Variants in ST8SIA2 observed in about 807,000 individuals in gnomAD.
ST8SIA2 encodes ST8 alpha-N-acetyl-neuraminide alpha-2,8-sialyltransferase 2.
ST8SIA2 carries 22 observed loss-of-function variants against 37.6 expected under a neutral mutation model. The ratio of observed to expected loss-of-function variants is 0.58; its 90% CI spans 0.42 to 0.83. The LOEUF is 0.83. Ranked by LOEUF, ST8SIA2 falls within the 40% of genes least tolerant of loss-of-function variation. The pLI is 0.00. For missense variants in ST8SIA2, 382 were observed against 484.7 expected, an observed-to-expected ratio of 0.79 and a Z score of 1.99; for synonymous variants, 205 against 201.2, an observed-to-expected ratio of 1.02 and a Z score of -0.16.
intron 1 of ST8SIA2, among the ~76,000 whole-genome samples, chr15:92,425,752 AGGGTGG>A (rs2049670828): frequency 6.6e-6 from 1 of 152,152 alleles, no homozygotes; most frequent in Non-Finnish European, 1.5e-5. Context: ...CAGGTTCTGC[AGGGTGG>A]GAGCTGTCGC....
chr15:92,449,641 C>G (rs891445959), intron 5 of ST8SIA2, among the ~76,000 whole-genome samples: 1 of 152,220 alleles, frequency 6.6e-6, no homozygotes, highest in African/African-American at 2.4e-5. Context: ...ATTCTCTTTT[C>G]TCCACATCCT....
At position 92,466,729 on chromosome 15, in the gene ST8SIA2, C is replaced by T. The variant is rs1414799597; in HGVS notation, c.*2344C>T. On this transcript the variant is annotated 3_prime_UTR_variant, in exon 6 of 6. Coordinates refer to ENST00000268164, the MANE Select transcript of ST8SIA2 (RefSeq NM_006011.4). The stretch of plus-strand genomic sequence containing the variant: ...AGGTTAGAGACCCCAGGACAATCAA[C>T]ATGTGCACCGTTCCCCTCCTCGGCT... 6.6e-6 allele frequency: 1 copy of T among 152,276 alleles called. No individual in the cohort carries two copies. Among genetic ancestry groups the T allele is most frequent in the African/African-American group, 2.4e-5 (1 of 41,440 alleles). 9.4% of individuals were successfully genotyped at this position (152,276 alleles called of 1,614,324 possible). A position where few individuals can be genotyped will look rare whatever the true frequency, so the allele number is the denominator to read the frequency against.
intron 1 of ST8SIA2, among the ~76,000 whole-genome samples, chr15:92,396,125 G>C (rs530324992): frequency 6.6e-6 from 1 of 152,234 alleles, no homozygotes; most frequent in South Asian, 2.1e-4. Context: ...AGGAAAAAAC[G>C]GTCAAACAAG....
chr15:92,427,042 C>T (rs1288031319), intron 1 of ST8SIA2, among the ~76,000 whole-genome samples: 6 of 152,056 alleles, frequency 3.9e-5, no homozygotes, highest in East Asian at 3.8e-4. Flanking sequence ...TGTAGTGAGC[C>T]GAGATCAGGC....
Position 92,468,203 on chromosome 15 carries a change from A to C in ST8SIA2, c.*3818A>C, listed in dbSNP as rs1218839634. The C allele has an allele frequency of 6.6e-6, 1 of 152,494 alleles. No homozygotes were observed. Among genetic ancestry groups the C allele is most frequent in the East Asian group, 1.9e-4 (1 of 5,184 alleles). The allele number at this position is 152,494 out of a possible 1,614,324, so 9.4% of individuals were successfully genotyped here. On this transcript the variant is annotated 3_prime_UTR_variant, in exon 6 of 6. Coordinates refer to ENST00000268164, the MANE Select transcript of ST8SIA2 (RefSeq NM_006011.4). ...CCGTCCATCCTGAACATGCACAGTG[A>C]TTTTCCTCTCCCGTTGCACACAAAC...
intron 3 of ST8SIA2, among the ~76,000 whole-genome samples, chr15:92,437,376 G>A (rs1382555023): frequency 6.6e-6 from 1 of 152,136 alleles, no homozygotes; most frequent in African/African-American, 2.4e-5. Context: ...AGCTTTTCTG[G>A]CAAGGCTAAG....
intron 5 of ST8SIA2, among the ~76,000 whole-genome samples, chr15:92,457,183 G>A (rs1306598061): frequency 6.6e-6 from 1 of 152,218 alleles, no homozygotes; most frequent in African/African-American, 2.4e-5. Flanking sequence ...GCATCACTGA[G>A]TCTCCCTTGA....
At chr15:92,423,384 A>G (rs1254102956) in intron 1 of ST8SIA2, among the ~76,000 whole-genome samples, 2 of 152,254 alleles carry the variant, frequency 1.3e-5, no homozygotes, top group Non-Finnish European at 1.5e-5. Flanking sequence ...TCACGCCCCT[A>G]TACTCCAGCC....
At chr15:92,408,990 T>C (rs145368847) in intron 1 of ST8SIA2, among the ~76,000 whole-genome samples, 371 of 152,256 alleles carry the variant, frequency 2.4e-3, no homozygotes, top group African/African-American at 4.6e-3. Flanking sequence ...AGGCATGAGC[T>C]ACCATGCCCA....
intron 5 of ST8SIA2, among the ~76,000 whole-genome samples, chr15:92,455,166 AC>A (rs1274111502): frequency 6.6e-6 from 1 of 152,160 alleles, no homozygotes; most frequent in Non-Finnish European, 1.5e-5. Context: ...CCCAGACAGG[AC>A]CATGGCAATC....
chr15:92,397,709 C>T (rs796247399), intron 1 of ST8SIA2, among the ~76,000 whole-genome samples: 9 of 152,330 alleles, frequency 5.9e-5, no homozygotes, highest in African/African-American at 2.2e-4. Flanking sequence ...GATTGTGAGG[C>T]GTAGCTGTCT....
In ST8SIA2 at chr15:92,454,518, T is replaced by A. The variant is rs112812287; in HGVS notation, c.843-9582T>A. Among the ~76,000 whole-genome samples, 733 of 152,202 alleles carry A rather than the reference T, an allele frequency of 4.8e-3. 7 individuals are homozygous for A. The highest frequency in any genetic ancestry group is 0.017 in the African/African-American group (703 of 41,536). ...TGGGTTAGATGGCCTCCCTTCCCAC[T>A]CTGAGATTCTCTCATTCAACACATC... On this transcript the variant is annotated intron_variant, in intron 5 of 5. Transcript: ENST00000268164.
At chr15:92,415,584 A>G (rs568392822) in intron 1 of ST8SIA2, among the ~76,000 whole-genome samples, 1 of 151,488 alleles carries the variant, frequency 6.6e-6, no homozygotes, top group Admixed American at 6.6e-5. Flanking sequence ...CCCCCACAAC[A>G]AGAGGACACA....
chr15:92,415,851 T>C (rs978281175), intron 1 of ST8SIA2, among the ~76,000 whole-genome samples: 2 of 152,002 alleles, frequency 1.3e-5, no homozygotes, highest in Admixed American at 1.3e-4. Context: ...GAGGGCACGA[T>C]ATTTAAAGAC....
Position 92,394,140 on chromosome 15 carries a change from T to G in ST8SIA2, c.76T>G (p.Ser26Ala). The part of the protein sequence containing the change: ...LVVFLIFADI[S>A]EIEEEIGNSG... ...GGTCTTCCTCATCTTCGCAGACATC[T>G]CAGAGATCGAAGAAGAAATCGGGTA... is the stretch of plus-strand genomic sequence containing the variant. Residue 26 changes from serine (S) to alanine (A), a missense_variant, in exon 1 of 6, where the codon TCA becomes GCA. Coordinates refer to ENST00000268164, the MANE Select transcript of ST8SIA2 (RefSeq NM_006011.4). 6.4e-7 allele frequency: 1 copy of G among 1,558,866 alleles called. No individual in the cohort carries two copies. Among genetic ancestry groups the G allele is most frequent in the Non-Finnish European group, 8.7e-7 (1 of 1,150,292 alleles).
At chr15:92,417,790 A>G (rs901947947) in intron 1 of ST8SIA2, 4 of 152,256 alleles carry the variant, frequency 2.6e-5, no homozygotes, top group African/African-American at 9.6e-5. Flanking sequence ...GGCGGATTGC[A>G]TGAATTTTCA....
chr15:92,394,601 G>A (rs1185263472), intron 1 of ST8SIA2, among the ~76,000 whole-genome samples: 1 of 152,188 alleles, frequency 6.6e-6, no homozygotes, highest in Non-Finnish European at 1.5e-5. Flanking sequence ...GGCGCGCAGG[G>A]ATCTCTGAGC....
chr15:92,400,330 T>C (rs1012503992), intron 1 of ST8SIA2, among the ~76,000 whole-genome samples: 1 of 152,236 alleles, frequency 6.6e-6, no homozygotes, highest in African/African-American at 2.4e-5. Context: ...GTGATACGTA[T>C]ATGGTTTAGT....
intron 5 of ST8SIA2, among the ~76,000 whole-genome samples, chr15:92,453,256 G>A (rs1441672042): frequency 6.6e-6 from 1 of 152,128 alleles, no homozygotes; most frequent in African/African-American, 2.4e-5. Flanking sequence ...TTAGATTAAT[G>A]TGGACCACAG....
Sources: gnomAD v4.1 joint callset for allele counts (sites outside exome capture counted in the v4.1 genomes callset) on GRCh38, gnomAD v4.1.1 for gene constraint, MANE v1.5 for transcripts, NCBI Gene and HGNC (gene_info 2026-07-23, HGNC 2026-07-21) for gene names.